Variants in BCAS1 observed in about 807,000 individuals in gnomAD.
The protein encoded by BCAS1 is breast carcinoma-amplified sequence 1.
In BCAS1, 46 loss-of-function variants were observed where a neutral mutation model predicts 65.4. The observed-to-expected ratio is 0.70, with a 90% confidence interval of 0.55 to 0.90. BCAS1 has a LOEUF of 0.90. Among genes scored for constraint, BCAS1 ranks in the 40% least tolerant of loss-of-function variants. The pLI is 0.00. For missense variants in BCAS1, 793 were observed against 771.2 expected (o/e 1.03, Z -0.33); for synonymous variants, 298 against 293.5 (o/e 1.02, Z -0.16).
intron 4 of BCAS1, among the ~76,000 whole-genome samples, chr20:54,010,118 A>G (rs934321741): frequency 6.6e-6 from 1 of 152,186 alleles, no homozygotes; most frequent in Non-Finnish European, 1.5e-5. Context: ...ATTGAGAACT[A>G]ACATTATCCT....
chr20:53,945,775 T>G (rs2089293909), intron 12 of BCAS1, among the ~76,000 whole-genome samples: 1 of 152,122 alleles, frequency 6.6e-6, no homozygotes, highest in South Asian at 2.1e-4. Flanking sequence ...ATACAATTAT[T>G]TTATTTTATT....
intron 1 of BCAS1, among the ~76,000 whole-genome samples, chr20:54,063,046 C>A (rs1447327607): frequency 2.6e-5 from 4 of 152,228 alleles, no homozygotes; most frequent in Non-Finnish European, 5.9e-5. Context: ...ATGAAGCCTT[C>A]TGTTCACAGT....
intron 11 of BCAS1, among the ~76,000 whole-genome samples, chr20:53,953,976 G>A (rs2089614547): frequency 6.6e-6 from 1 of 151,976 alleles, no homozygotes; most frequent in South Asian, 2.1e-4. Context: ...TTTTCCTTGG[G>A]GAAACACCCT....
chr20:53,945,008 C>T lies in BCAS1; in HGVS notation c.1816-12G>A. 6.2e-7 allele frequency: 1 copy of T among 1,613,548 alleles called. No homozygotes were observed. Among genetic ancestry groups the T allele is most frequent in the Non-Finnish European group, 8.5e-7 (1 of 1,179,520 alleles). ...ATCCGCTTTGGTCCCTGGAGAAAAA[C>T]AGAAAGACGTGGCAGCCTATTGAAG... is the stretch of plus-strand genomic sequence containing the variant. On this transcript the variant is annotated splice_polypyrimidine_tract_variant and intron_variant, in intron 12 of 12. Transcript: ENST00000688948.
At chr20:53,981,202 A>C (rs1468498773) in intron 8 of BCAS1, among the ~76,000 whole-genome samples, 1 of 152,204 alleles carries the variant, frequency 6.6e-6, no homozygotes, top group Non-Finnish European at 1.5e-5. Context: ...AGCTCTTCTG[A>C]GTCCATTAAC....
intron 3 of BCAS1, among the ~76,000 whole-genome samples, chr20:54,049,217 T>A (rs1249831015): frequency 1.3e-5 from 2 of 152,224 alleles, no homozygotes; most frequent in Non-Finnish European, 2.9e-5. Context: ...ATCTTTTTTT[T>A]AAGAAAAGCA....
At chr20:53,975,499 A>C in intron 8 of BCAS1, 69 bp from the exon 9 acceptor site, 1 of 1,353,030 alleles carries the variant, frequency 7.4e-7, no homozygotes. Context: ...CATAAAAGCA[A>C]AGGGTTAGTT....
intron 2 of BCAS1, 54 bp downstream of exon 2, chr20:54,058,593 C>CTTTTTTTTTTTT (rs3043223): frequency 4.0e-5 from 49 of 1,224,748 alleles, no homozygotes; most frequent in Admixed American, 1.4e-4. Flanking sequence ...ACAGGAAGTT[C>CTTTTTTTTTTTT]TTTTTTTTTT....
chr20:53,957,539 G>A (rs1012226939), intron 10 of BCAS1, 42 bp from the exon 11 acceptor site: 4 of 1,563,530 alleles, frequency 2.6e-6, no homozygotes, highest in African/African-American at 2.7e-5. Flanking sequence ...CACAAGTACA[G>A]TGACGTGGAG....
In BCAS1 at chr20:54,028,524, G is replaced by A. The variant is rs1257868712; in HGVS notation, c.591C>T (p.Phe197=). ...KPKDSSFFDK[F]FKLDKGQEKV... ...TTTCCTGTCCCTTGTCCAGCTTGAA[G>A]AATTTGTCAAAAAAGCTGGAGTCCT... Residue 197 remains phenylalanine (F), a synonymous_variant, in exon 4 of 13, where the codon TTC becomes TTT. Transcript: ENST00000688948. The A allele has an allele frequency of 6.2e-7, 1 of 1,614,178 alleles. No individual in the cohort carries two copies. Among genetic ancestry groups the A allele is most frequent in the Non-Finnish European group, 8.5e-7 (1 of 1,180,034 alleles).
chr20:54,052,466 A>G (rs1839011804), intron 3 of BCAS1, among the ~76,000 whole-genome samples: 1 of 152,204 alleles, frequency 6.6e-6, no homozygotes, highest in Admixed American at 6.5e-5. Flanking sequence ...GGAGTATACC[A>G]TCTGCTATAG....
At chr20:54,061,253 T>C (rs937103448) in intron 1 of BCAS1, among the ~76,000 whole-genome samples, 5 of 152,270 alleles carry the variant, frequency 3.3e-5, no homozygotes, top group Admixed American at 3.3e-4. Context: ...ACCGGAATGT[T>C]CTGCATATTA....
chr20:54,043,166 C>T (rs1365539150), intron 3 of BCAS1, among the ~76,000 whole-genome samples: 1 of 152,190 alleles, frequency 6.6e-6, no homozygotes, highest in African/African-American at 2.4e-5. Flanking sequence ...CCACCACTGT[C>T]CCTCTCTGTG....
intron 1 of BCAS1, among the ~76,000 whole-genome samples, chr20:54,068,755 A>G (rs1319281046): frequency 6.6e-6 from 1 of 152,100 alleles, no homozygotes; most frequent in East Asian, 1.9e-4. Flanking sequence ...AGGCACTCAA[A>G]TCCTGAACTG....
chr20:54,035,754 T>C (rs2091889919), intron 3 of BCAS1, among the ~76,000 whole-genome samples: 1 of 151,180 alleles, frequency 6.6e-6, no homozygotes, highest in South Asian at 2.1e-4. Context: ...TACATGCATG[T>C]GTATGTTCAT....
intron 11 of BCAS1, among the ~76,000 whole-genome samples, chr20:53,954,478 C>A (rs1014240948): frequency 6.6e-6 from 1 of 152,218 alleles, no homozygotes; most frequent in African/African-American, 2.4e-5. Context: ...TTCTTTTCTT[C>A]ATAATTACAT....
At chr20:53,972,336 T>C (rs1030389180) in intron 9 of BCAS1, among the ~76,000 whole-genome samples, 3 of 152,214 alleles carry the variant, frequency 2.0e-5, no homozygotes, top group Non-Finnish European at 4.4e-5. Flanking sequence ...GGACACTGAG[T>C]CAGCTGTGAG....
chr20:54,012,265 T>C (rs6127058), intron 4 of BCAS1, among the ~76,000 whole-genome samples: 28,619 of 152,066 alleles, frequency 0.19, 2,791 homozygotes, highest in East Asian at 0.33. Context: ...GAGAGGGAAG[T>C]GGATGCACCT....
intron 7 of BCAS1, among the ~76,000 whole-genome samples, chr20:53,992,023 G>C (rs531172738): frequency 6.6e-6 from 1 of 152,268 alleles, no homozygotes; most frequent in South Asian, 2.1e-4. Context: ...GCTAGAAAGA[G>C]CATCAGATTC....
Sources: gnomAD v4.1 joint callset for allele counts (sites outside exome capture counted in the v4.1 genomes callset) on GRCh38, gnomAD v4.1.1 for gene constraint, MANE v1.5 for transcripts, NCBI Gene and HGNC (gene_info 2026-07-23, HGNC 2026-07-21) for gene names.